BACH2: variants seen among roughly 807,000 people sequenced by gnomAD.
The protein encoded by BACH2 is BACH transcriptional regulator 2, also known as transcription regulator protein BACH2.
BACH2 carries 5 observed loss-of-function variants against 61.8 expected under a neutral mutation model. The ratio of observed to expected loss-of-function variants is 0.08; its 90% CI spans 0.04 to 0.17. BACH2 has a LOEUF of 0.17. Ranked by LOEUF, BACH2 falls within the 10% of genes least tolerant of loss-of-function variation. The pLI is 1.00. For missense variants in BACH2, 824 were observed against 1,091.1 expected, an observed-to-expected ratio of 0.76 and a Z score of 3.45; for synonymous variants, 446 against 440.1, an observed-to-expected ratio of 1.01 and a Z score of -0.17.
At chr6:89,989,004 G>T (rs965008216) in intron 6 of BACH2, among the ~76,000 whole-genome samples, 2 of 152,074 alleles carry the variant, frequency 1.3e-5, no homozygotes, top group Non-Finnish European at 2.9e-5. Context: ...GTGAACAATC[G>T]AACCAAGGTG....
intron 7 of BACH2, among the ~76,000 whole-genome samples, chr6:89,945,859 T>A (rs935443581): frequency 6.6e-6 from 1 of 152,226 alleles, no homozygotes; most frequent in Non-Finnish European, 1.5e-5. Flanking sequence ...TTTATTTATA[T>A]GGTGTGTATA....
chr6:90,042,719 T>G (rs1004561454), intron 5 of BACH2, among the ~76,000 whole-genome samples: 1 of 152,202 alleles, frequency 6.6e-6, no homozygotes, highest in African/African-American at 2.4e-5. Flanking sequence ...ATAAAATAAT[T>G]TCCCTTCTTC....
chr6:90,094,096 G>A (rs761774780), intron 4 of BACH2, among the ~76,000 whole-genome samples: 16 of 152,196 alleles, frequency 1.1e-4, no homozygotes, highest in Non-Finnish European at 1.5e-4. Flanking sequence ...AGAAAAGTCC[G>A]AGGAACCGCA....
intron 6 of BACH2, among the ~76,000 whole-genome samples, chr6:90,006,059 G>C (rs529372645): frequency 2.7e-4 from 41 of 152,272 alleles, no homozygotes; most frequent in African/African-American, 8.2e-4. Context: ...GCAATTATCA[G>C]GGATTTGATC....
chr6:89,981,235 C>G (rs1775934997), intron 6 of BACH2, among the ~76,000 whole-genome samples: 1 of 151,450 alleles, frequency 6.6e-6, no homozygotes, highest in African/African-American at 2.4e-5. Flanking sequence ...GGGTTCAGGT[C>G]ATTCTCCTGT....
intron 4 of BACH2, among the ~76,000 whole-genome samples, chr6:90,095,020 G>A (rs1050518902): frequency 1.6e-4 from 25 of 152,102 alleles, no homozygotes; most frequent in African/African-American, 2.9e-4. Context: ...AATCTCAAAC[G>A]TTCAGCTGGT....
intron 4 of BACH2, among the ~76,000 whole-genome samples, chr6:90,199,781 A>G (rs1416365580): frequency 8.5e-5 from 13 of 152,202 alleles, no homozygotes; most frequent in South Asian, 2.1e-4. Flanking sequence ...CTCTATAAAA[A>G]TGAAGTTTTT....
At chr6:90,157,802 T>C (rs558697773) in intron 4 of BACH2, among the ~76,000 whole-genome samples, 1 of 152,208 alleles carries the variant, frequency 6.6e-6, no homozygotes, top group Non-Finnish European at 1.5e-5. Context: ...ATATCCACGA[T>C]GGTCATTTGA....
At chr6:89,948,008 T>C (rs746762167) in intron 7 of BACH2, among the ~76,000 whole-genome samples, 15 of 152,212 alleles carry the variant, frequency 9.9e-5, no homozygotes, top group Non-Finnish European at 1.9e-4. Flanking sequence ...ATATTTTTAG[T>C]TCTAAAGTAA....
At chr6:90,144,549 T>G (rs1784557978) in intron 4 of BACH2, among the ~76,000 whole-genome samples, 1 of 152,190 alleles carries the variant, frequency 6.6e-6, no homozygotes, top group African/African-American at 2.4e-5. Context: ...TGGCTGGGCC[T>G]GCCCGCATCT....
At chr6:90,058,184 T>C (rs930315735) in intron 5 of BACH2, among the ~76,000 whole-genome samples, 2 of 152,158 alleles carry the variant, frequency 1.3e-5, no homozygotes, top group African/African-American at 4.8e-5. Flanking sequence ...AGTCAAATTG[T>C]CCCTCTTTGC....
At chr6:90,136,984 C>T (rs1320953038) in intron 4 of BACH2, among the ~76,000 whole-genome samples, 3 of 152,198 alleles carry the variant, frequency 2.0e-5, no homozygotes, top group Admixed American at 2.0e-4. Flanking sequence ...TGTAGAGTCA[C>T]TGGACCCATC....
chr6:90,193,845 T>C (rs1768660550), intron 4 of BACH2, among the ~76,000 whole-genome samples: 1 of 152,178 alleles, frequency 6.6e-6, no homozygotes. Flanking sequence ...CATGGACCTA[T>C]CACATATCAC....
chr6:90,214,030 G>A (rs558212932), intron 3 of BACH2, among the ~76,000 whole-genome samples: 18 of 152,224 alleles, frequency 1.2e-4, no homozygotes, highest in South Asian at 8.3e-4. Flanking sequence ...GGTACTACTG[G>A]TGACAGCTTT....
At chr6:89,945,387 G>A (rs1773663941) in intron 7 of BACH2, among the ~76,000 whole-genome samples, 1 of 152,194 alleles carries the variant, frequency 6.6e-6, no homozygotes, top group Non-Finnish European at 1.5e-5. Flanking sequence ...TATACCTGGT[G>A]AGTACATCAA....
chr6:90,121,186 G>C (rs186776036), intron 4 of BACH2, among the ~76,000 whole-genome samples: 68 of 152,266 alleles, frequency 4.5e-4, no homozygotes, highest in African/African-American at 1.5e-3. Context: ...AAAAGGCCTC[G>C]AGCCCACATC....
chr6:90,009,940 C>T (rs1777617869), intron 5 of BACH2, among the ~76,000 whole-genome samples: 3 of 152,242 alleles, frequency 2.0e-5, no homozygotes. Context: ...GCTGGGATTA[C>T]AGGCGTGAGC....
chr6:90,283,738 C>T (rs907517586), intron 1 of BACH2, among the ~76,000 whole-genome samples: 5 of 152,100 alleles, frequency 3.3e-5, no homozygotes, highest in Non-Finnish European at 5.9e-5. Context: ...CCAGGCACGG[C>T]GGCTTACACC....
At chr6:90,196,014 C>A (rs942074788) in intron 4 of BACH2, among the ~76,000 whole-genome samples, 14 of 152,172 alleles carry the variant, frequency 9.2e-5, no homozygotes, top group African/African-American at 3.4e-4. Flanking sequence ...GTAGAACAAT[C>A]CTCAGTTTGC....
Sources: allele counts gnomAD v4.1 joint callset (sites outside exome capture counted in the v4.1 genomes callset), GRCh38; gene constraint gnomAD v4.1.1; transcripts MANE v1.5; gene names NCBI Gene and HGNC (gene_info 2026-07-23, HGNC 2026-07-21).